CFAP299: variants seen among roughly 807,000 people sequenced by gnomAD.
CFAP299 encodes cilia and flagella associated protein 299.
A neutral mutation model predicts 27.0 loss-of-function variants in CFAP299; 21 were observed. The observed-to-expected ratio is 0.78, with a 90% CI of 0.55 to 1.12. The LOEUF is 1.12. CFAP299 is among the 50% of genes most tolerant of loss of function. The pLI is 0.00. For missense variants in CFAP299, 310 were observed against 276.6 expected, an observed-to-expected ratio of 1.12 and a Z score of -0.86; for synonymous variants, 104 against 98.1, an observed-to-expected ratio of 1.06 and a Z score of -0.36.
chr4:80,678,762 A>G (rs979119226), intron 3 of CFAP299, among the ~76,000 whole-genome samples: 2 of 152,040 alleles, frequency 1.3e-5, no homozygotes, highest in Non-Finnish European at 2.9e-5. Flanking sequence ...ATTTGAAATA[A>G]GTATGGACTA....
chr4:80,761,665 A>G (rs1052603617), intron 3 of CFAP299, among the ~76,000 whole-genome samples: 6 of 152,102 alleles, frequency 3.9e-5, no homozygotes, highest in Non-Finnish European at 8.8e-5. Flanking sequence ...TAACTTTATT[A>G]AAAAACTTTT....
intron 3 of CFAP299, among the ~76,000 whole-genome samples, chr4:80,705,107 G>A (rs915005414): frequency 1.3e-5 from 2 of 151,798 alleles, no homozygotes; most frequent in Non-Finnish European, 3.0e-5. Flanking sequence ...AGAAAAACAC[G>A]ACCTTCTCTT....
chr4:80,658,971 C>A (rs1025897830), intron 3 of CFAP299, among the ~76,000 whole-genome samples: 1 of 152,022 alleles, frequency 6.6e-6, no homozygotes, highest in Non-Finnish European at 1.5e-5. Context: ...AGACTCTAAT[C>A]ATAGAAATAG....
chr4:80,591,127 TTTTTA>T (rs1736749103), intron 3 of CFAP299, among the ~76,000 whole-genome samples: 1 of 138,276 alleles, frequency 7.2e-6, no homozygotes, highest in Non-Finnish European at 1.6e-5. Flanking sequence ...TTTTTTTTTT[TTTTTA>T]TTTTTTTTTG....
At chr4:80,803,352 A>G (rs557829282) in intron 3 of CFAP299, among the ~76,000 whole-genome samples, 55 of 152,260 alleles carry the variant, frequency 3.6e-4, no homozygotes, top group African/African-American at 1.3e-3. Context: ...ATTGAAATGT[A>G]TTTTGAAACA....
intron 3 of CFAP299, among the ~76,000 whole-genome samples, chr4:80,805,867 C>A (rs1228170834): frequency 6.6e-6 from 1 of 151,754 alleles, no homozygotes; most frequent in Non-Finnish European, 1.5e-5. Context: ...GAGCGAGAGA[C>A]CTTGTCTCAA....
intron 2 of CFAP299, among the ~76,000 whole-genome samples, chr4:80,533,177 G>A (rs746470642): frequency 2.6e-5 from 4 of 152,160 alleles, no homozygotes; most frequent in African/African-American, 4.8e-5. Flanking sequence ...TTAAGAACTC[G>A]TTAGAAATAT....
chr4:80,857,926 T>C (rs1732029494), intron 3 of CFAP299, among the ~76,000 whole-genome samples: 1 of 152,210 alleles, frequency 6.6e-6, no homozygotes, highest in African/African-American at 2.4e-5. Flanking sequence ...CCTCATAAAA[T>C]GAGTTAGGGA....
chr4:80,861,094 C>T (rs1206455006), intron 3 of CFAP299, among the ~76,000 whole-genome samples: 1 of 152,226 alleles, frequency 6.6e-6, no homozygotes, highest in Non-Finnish European at 1.5e-5. Flanking sequence ...CTTTGTTTAC[C>T]TAAGCAAGCC....
intron 3 of CFAP299, among the ~76,000 whole-genome samples, chr4:80,798,039 C>T (rs544049633): frequency 1.3e-5 from 2 of 152,230 alleles, no homozygotes; most frequent in Admixed American, 1.3e-4. Flanking sequence ...TTCCTTCCAC[C>T]ATTATCCCAA....
intron 4 of CFAP299, among the ~76,000 whole-genome samples, chr4:80,931,211 A>G (rs1306752944): frequency 6.6e-6 from 1 of 152,016 alleles, no homozygotes; most frequent in African/African-American, 2.4e-5. Context: ...CTTCACGGGC[A>G]CTTTGCTTGG....
At chr4:80,784,992 A>AG (rs1343914657) in intron 3 of CFAP299, among the ~76,000 whole-genome samples, 16 of 152,054 alleles carry the variant, frequency 1.1e-4, no homozygotes, top group Admixed American at 2.6e-4. Flanking sequence ...CCCAGTCCAT[A>AG]GGTTGCCTTT....
intron 4 of CFAP299, among the ~76,000 whole-genome samples, chr4:80,931,680 C>T (rs1164881004): frequency 1.3e-5 from 2 of 151,990 alleles, no homozygotes; most frequent in African/African-American, 2.4e-5. Context: ...CAATCACCAT[C>T]CTGGTTTAGC....
At chr4:80,506,641 T>C (rs1214324653) in intron 2 of CFAP299, among the ~76,000 whole-genome samples, 1 of 152,184 alleles carries the variant, frequency 6.6e-6, no homozygotes, top group African/African-American at 2.4e-5. Flanking sequence ...AACTGAATTC[T>C]GAAGTAGAAA....
At chr4:80,357,773 A>T (rs1249389091) in intron 1 of CFAP299, among the ~76,000 whole-genome samples, 1 of 151,854 alleles carries the variant, frequency 6.6e-6, no homozygotes, top group African/African-American at 2.4e-5. Context: ...CAATTTTTTC[A>T]AGAAACCCAG....
chr4:80,742,200 T>A (rs1406637883), intron 3 of CFAP299, among the ~76,000 whole-genome samples: 1 of 152,182 alleles, frequency 6.6e-6, no homozygotes, highest in Non-Finnish European at 1.5e-5. Flanking sequence ...ATGGTGCTTT[T>A]CTGTGTGCAG....
At chr4:80,778,167 AT>A (rs1469559725) in intron 3 of CFAP299, among the ~76,000 whole-genome samples, 2 of 151,950 alleles carry the variant, frequency 1.3e-5, no homozygotes, top group African/African-American at 4.8e-5. Context: ...GGGTCTCAGG[AT>A]TTTTTTTAAA....
upstream of CFAP299, among the ~76,000 whole-genome samples, chr4:80,334,567 T>C (rs1485856016): frequency 6.6e-6 from 1 of 152,176 alleles, no homozygotes; most frequent in Non-Finnish European, 1.5e-5. Flanking sequence ...CCTGGCCTAT[T>C]ATTACTTTTG....
Position 80,901,141 on chromosome 4 carries a change from T to G in CFAP299, c.476+31006T>G, listed in dbSNP as rs550475668. Reference sequence around the variant, plus strand: ...TTGCCTGTTGAGGCTGGACTCTCCCTAAGTGCATGAAGCAAGGTGCACAGG... The same window carrying G: ...TTGCCTGTTGAGGCTGGACTCTCCCGAAGTGCATGAAGCAAGGTGCACAGG... On this transcript the variant is annotated intron_variant, in intron 4 of 5. Transcript: ENST00000358105. 1.5e-4 allele frequency among the ~76,000 whole-genome samples: 23 copies of G among 152,236 alleles called. 1 individual carries two copies. Among genetic ancestry groups the G allele is most frequent in the African/African-American group, 5.5e-4 (23 of 41,556 alleles).
Sources: allele counts gnomAD v4.1 joint callset (sites outside exome capture counted in the v4.1 genomes callset), GRCh38; gene constraint gnomAD v4.1.1; transcripts MANE v1.5; gene names NCBI Gene and HGNC (gene_info 2026-07-23, HGNC 2026-07-21).